The following IKZF4 variants were observed in gnomAD, a reference collection of about 807,000 sequenced individuals.
The protein encoded by IKZF4 is IKAROS family zinc finger 4.
A neutral mutation model predicts 47.7 loss-of-function variants in IKZF4; 11 were observed. That is an observed-to-expected ratio of 0.23 (90% CI 0.15 to 0.38). IKZF4 has a LOEUF of 0.38. IKZF4 is among the 10% of genes least tolerant of loss of function. The pLI is 1.00. For synonymous variants in IKZF4, 298 were observed against 299.4 expected, an observed-to-expected ratio of 1.00 and a Z score of 0.05; for missense variants, 557 against 784.9, an observed-to-expected ratio of 0.71 and a Z score of 3.47.
At chr12:56,020,243 A>G (rs1275659481), upstream of IKZF4, among the ~76,000 whole-genome samples, 1 of 152,260 alleles carries the variant, frequency 6.6e-6, no homozygotes, top group Non-Finnish European at 1.5e-5. Context: ...AATGTGATTC[A>G]GAAAATCCAT....
intron 1 of IKZF4, 73 bp from the exon 2 acceptor site, chr12:56,023,598 G>T: frequency 6.5e-7 from 1 of 1,531,878 alleles, no homozygotes; most frequent in Non-Finnish European, 8.8e-7. Flanking sequence ...GGGAAAATGG[G>T]ACTTTAGGAG....
intron 2 of IKZF4, among the ~76,000 whole-genome samples, chr12:56,014,367 C>G (rs192153783): frequency 3.0e-4 from 46 of 152,242 alleles, no homozygotes; most frequent in Non-Finnish European, 2.9e-5. Context: ...TTGGGGCCAT[C>G]TGGGCAAAAG....
In IKZF4 at chr12:56,037,241, C is replaced by G. The variant is rs185479917; in HGVS notation, c.*1910C>G. The G allele has an allele frequency of 1.3e-5, 2 of 152,570 alleles. No individual in the cohort carries two copies. The highest frequency in any genetic ancestry group is 2.9e-5 in the Non-Finnish European group (2 of 68,040). 9.5% of individuals were successfully genotyped at this position (152,570 alleles called of 1,614,324 possible). On this transcript the variant is annotated 3_prime_UTR_variant, in exon 8 of 8. Transcript: ENST00000547167. ...CCACTCTGAGGTTTCCCCAAGAGAA[C>G]CAGATTGGCAGGGAGAAGCATTGTG...
At chr12:56,023,591 A>G (rs1893442029) in intron 1 of IKZF4, 80 bp from the exon 2 acceptor site, 1 of 1,507,022 alleles carries the variant, frequency 6.6e-7, no homozygotes, top group African/African-American at 1.4e-5. Flanking sequence ...TAGAATGGGG[A>G]AAATGGGACT....
intron 3 of IKZF4, 41 bp downstream of exon 3, chr12:56,025,199 CCT>C (rs1239542142): frequency 4.0e-6 from 6 of 1,491,432 alleles, no homozygotes; most frequent in Non-Finnish European, 5.3e-6. Context: ...GTAGGCACCC[CCT>C]GTTGCATTTG....
chr12:56,025,474 TAGAG>T (rs1166771041), intron 3 of IKZF4, among the ~76,000 whole-genome samples: 6 of 151,996 alleles, frequency 3.9e-5, no homozygotes, highest in Non-Finnish European at 8.8e-5. Flanking sequence ...AGATAGGAAA[TAGAG>T]AGTAGAAGGA....
chr12:56,019,476 G>A (rs1892565649), upstream of IKZF4: 1 of 449,568 alleles, frequency 2.2e-6, no homozygotes, highest in African/African-American at 2.1e-5. Context: ...AATGGGTAAA[G>A]GCATTCAATA....
upstream of IKZF4, chr12:56,007,584 G>A (rs1890859126): frequency 1.3e-5 from 2 of 157,050 alleles, no homozygotes; most frequent in South Asian, 1.8e-4. Flanking sequence ...GCTCCGGCCC[G>A]GCGACTGCCG....
chr12:56,027,200 C>A (rs1592962089), intron 4 of IKZF4, among the ~76,000 whole-genome samples, 159 bp downstream of exon 4: 3 of 143,678 alleles, frequency 2.1e-5, no homozygotes, highest in African/African-American at 5.2e-5. Flanking sequence ...TTCCAGCTGA[C>A]AAAACGAGGC....
chr12:56,034,541 C>A, intron 7 of IKZF4, 30 bp from the exon 8 acceptor site: 1 of 1,561,670 alleles, frequency 6.4e-7, no homozygotes. Context: ...TTCTCCAAAC[C>A]CAGCCCTGCT....
upstream of IKZF4, among the ~76,000 whole-genome samples, chr12:56,020,059 A>T (rs1402240368): frequency 6.6e-6 from 1 of 152,238 alleles, no homozygotes; most frequent in East Asian, 1.9e-4. Context: ...CTCCTGGAAG[A>T]GTCATATGGA....
intron 1 of IKZF4, among the ~76,000 whole-genome samples, chr12:56,008,671 A>AT (rs11456606): frequency 0.9 from 111,732 of 124,672 alleles, 51,184 homozygotes; most frequent in South Asian, 0.98. Context: ...CTTCCAGGAA[A>AT]TTTTTTTTTT....
At chr12:56,016,527 T>C (rs1272131064), upstream of IKZF4, among the ~76,000 whole-genome samples, 1 of 151,374 alleles carries the variant, frequency 6.6e-6, no homozygotes, top group Non-Finnish European at 1.5e-5. Flanking sequence ...GCTCAAGCGA[T>C]TCTCCTGCCT....
intron 6 of IKZF4, among the ~76,000 whole-genome samples, chr12:56,032,940 A>G (rs1370851527): frequency 2.6e-5 from 4 of 152,162 alleles, no homozygotes; most frequent in African/African-American, 9.7e-5. Context: ...TTGGGTCTAT[A>G]TCCTTGGCCT....
chr12:56,017,237 C>CA (rs1892223966), upstream of IKZF4, among the ~76,000 whole-genome samples: 2 of 142,048 alleles, frequency 1.4e-5, no homozygotes, highest in African/African-American at 5.2e-5. Flanking sequence ...CCCCCGCCCC[C>CA]CCCGTCCTTT....
chr12:56,018,919 C>A (rs997690695), upstream of IKZF4, among the ~76,000 whole-genome samples: 4 of 151,130 alleles, frequency 2.6e-5, no homozygotes, highest in African/African-American at 9.7e-5. Flanking sequence ...CCCCTCTCTA[C>A]TAAAAATACA....
intron 2 of IKZF4, 135 bp from the exon 3 acceptor site, chr12:56,024,919 C>A: frequency 6.6e-7 from 1 of 1,519,430 alleles, no homozygotes; most frequent in Non-Finnish European, 8.8e-7. Context: ...TGGTGCCCAG[C>A]ATACAACACT....
At position 56,025,130 on chromosome 12, in the gene IKZF4, G is replaced by A; in HGVS notation, c.258G>A (p.Gln86=). 1.2e-6 allele frequency: 2 copies of A among 1,602,494 alleles called. No homozygotes were observed. The highest frequency in any genetic ancestry group is 1.7e-6 in the Non-Finnish European group (2 of 1,175,210). Residue 86 remains glutamine, a synonymous_variant, in exon 3 of 8, where the codon CAG becomes CAA. Transcript: ENST00000547167. ...VGPSVSTPNS[Q]HSSPSRSLSA... ...CCTCGGTGAGCACCCCCAACAGCCA[G>A]CACTCTTCTCCTAGCCGCTCACTCA...
chr12:56,028,039 G>C (rs936820321), intron 5 of IKZF4, 92 bp downstream of exon 5: 3 of 1,351,976 alleles, frequency 2.2e-6, no homozygotes, highest in Non-Finnish European at 2.9e-6. Flanking sequence ...GGGAGTTCCA[G>C]TGTCTGTCAT....
Sources: allele counts gnomAD v4.1 joint callset (sites outside exome capture counted in the v4.1 genomes callset), GRCh38; gene constraint gnomAD v4.1.1; transcripts MANE v1.5; gene names NCBI Gene and HGNC (gene_info 2026-07-23, HGNC 2026-07-21).